The following TIAM2 variants were observed in gnomAD, a reference collection of about 807,000 sequenced individuals.
The protein encoded by TIAM2 is TIAM Rac1 associated GEF 2, also known as rho guanine nucleotide exchange factor TIAM2.
A neutral mutation model predicts 152.9 loss-of-function variants in TIAM2; 80 were observed. The ratio of observed to expected loss-of-function variants is 0.52; its 90% CI spans 0.44 to 0.63. TIAM2 has a LOEUF of 0.63. Among genes scored for constraint, TIAM2 ranks in the 30% least tolerant of loss-of-function variants. The pLI, the probability that TIAM2 is intolerant of heterozygous loss-of-function variation, is 0.00. For synonymous variants in TIAM2, 804 were observed against 838.0 expected, an observed-to-expected ratio of 0.96 and a Z score of 0.70; for missense variants, 1,965 against 2,120.1, an observed-to-expected ratio of 0.93 and a Z score of 1.44.
intron 1 of TIAM2, among the ~76,000 whole-genome samples, chr6:154,998,196 G>T (rs767179622): frequency 6.6e-6 from 1 of 152,170 alleles, no homozygotes; most frequent in Non-Finnish European, 1.5e-5. Flanking sequence ...TCAGGTTTAC[G>T]TGTCTAATCG....
intron 1 of TIAM2, among the ~76,000 whole-genome samples, chr6:155,010,101 C>T (rs1778462108): frequency 6.6e-6 from 1 of 151,876 alleles, no homozygotes; most frequent in African/African-American, 2.4e-5. Flanking sequence ...CTCCCGAAGT[C>T]CTAGCACTAC....
chr6:155,058,703 T>G (rs1341293859), intron 1 of TIAM2, among the ~76,000 whole-genome samples: 1 of 152,238 alleles, frequency 6.6e-6, no homozygotes, highest in African/African-American at 2.4e-5. Context: ...CACTAAGTCT[T>G]GGAGCTGGGA....
In TIAM2 at chr6:155,249,969, G is replaced by T. The variant is rs199966755; in HGVS notation, c.3951G>T (p.Glu1317Asp). ...LVAEQSGTEK[E>D]VTELSMGELL... ...CTGAGCAGAGCGGAACAGAGAAGGAGGTCCGTGAGACATCTGCACCCTGGG... is the reference window on the plus strand; with the variant it reads ...CTGAGCAGAGCGGAACAGAGAAGGATGTCCGTGAGACATCTGCACCCTGGG... Residue 1317 changes from glutamate (E) to aspartate (D), a missense_variant and splice_region_variant, in exon 21 of 27, where the codon GAG becomes GAT. Physicochemically the swap from Glu to Asp is conservative, Grantham distance 45. Around this residue, in one of 3 missense-constraint regions of TIAM2, gnomAD observed 935 missense variants for 980.0 expected, o/e 0.95. Coordinates refer to ENST00000682666, the MANE Select transcript of TIAM2 (RefSeq NM_012454.4). 7 of 1,611,078 alleles carry T rather than the reference G, an allele frequency of 4.3e-6. No individual in the cohort carries two copies. The East Asian group carries it at 1.6e-4, about 36-fold the overall frequency.
chr6:155,199,031 A>C (rs1157215444), intron 14 of TIAM2, among the ~76,000 whole-genome samples: 1 of 152,056 alleles, frequency 6.6e-6, no homozygotes, highest in East Asian at 1.9e-4. Flanking sequence ...TTGCCAGCTA[A>C]ACCAAAACCA....
At chr6:155,180,713 C>T (rs1332091001) in intron 12 of TIAM2, among the ~76,000 whole-genome samples, 1 of 151,964 alleles carries the variant, frequency 6.6e-6, no homozygotes, top group African/African-American at 2.4e-5. Context: ...AGCAATTCTC[C>T]CTGCCTCAGC....
chr6:155,078,837 T>C (rs547987811), intron 1 of TIAM2, among the ~76,000 whole-genome samples: 20 of 152,310 alleles, frequency 1.3e-4, no homozygotes, highest in Admixed American at 1.2e-3. Context: ...TTACAGAAGT[T>C]GATGTTTTCC....
chr6:155,051,928 C>G (rs1777329299), intron 1 of TIAM2, among the ~76,000 whole-genome samples: 2 of 152,188 alleles, frequency 1.3e-5, no homozygotes, highest in Non-Finnish European at 2.9e-5. Flanking sequence ...GCGTGAGCCA[C>G]TGCGCCTGGC....
rs1010085359 is a variant in TIAM2, at chr6:155,213,440, C to T, written c.3168+2133C>T. ...CAGAGAGGAGACCCTGGAGTAGCTC[C>T]TCTCCTCAGCTGGTTGTCTCATTGT... On this transcript the variant is annotated intron_variant, in intron 15 of 26. Transcript: ENST00000682666. The surrounding 1 kb of genome is among the most constrained non-coding windows in gnomAD (Gnocchi z 4.2). 1.3e-5 allele frequency among the ~76,000 whole-genome samples: 2 copies of T among 152,154 alleles called. No homozygotes were observed. The highest frequency in any genetic ancestry group is 2.9e-5 in the Non-Finnish European group (2 of 68,014).
chr6:155,010,862 T>A (rs1583148745), intron 1 of TIAM2, among the ~76,000 whole-genome samples: 1 of 152,082 alleles, frequency 6.6e-6, no homozygotes, highest in South Asian at 2.1e-4. Context: ...CTGGGCCTGA[T>A]GGTGAAACCT....
At chr6:155,177,096 T>C in intron 10 of TIAM2, 119 bp downstream of exon 10, 1 of 896,724 alleles carries the variant, frequency 1.1e-6, no homozygotes, top group Non-Finnish European at 1.6e-6. Context: ...AGGGAACATA[T>C]TAGCATATTT....
intron 15 of TIAM2, among the ~76,000 whole-genome samples, chr6:155,221,299 T>C (rs933315346): frequency 6.6e-6 from 1 of 152,124 alleles, no homozygotes; most frequent in African/African-American, 2.4e-5. Context: ...GAATGCTGGC[T>C]CTGAAATTAA....
intron 14 of TIAM2, among the ~76,000 whole-genome samples, chr6:155,210,549 G>A (rs1008884071): frequency 1.2e-4 from 18 of 151,934 alleles, no homozygotes; most frequent in Non-Finnish European, 1.9e-4. Flanking sequence ...GTTGCCCAGG[G>A]TGGTCTCGAA....
At chr6:155,192,448 G>T (rs1376496298) in intron 14 of TIAM2, among the ~76,000 whole-genome samples, 1 of 152,034 alleles carries the variant, frequency 6.6e-6, no homozygotes, top group Non-Finnish European at 1.5e-5. Flanking sequence ...CTTTCTGGAC[G>T]CTTTACTGTT....
Position 155,073,787 on chromosome 6 carries a change from T to C in TIAM2, c.-208-16502T>C, listed in dbSNP as rs146052567. Among the ~76,000 whole-genome samples, 8 of 152,290 alleles carry C rather than the reference T, an allele frequency of 5.3e-5. No homozygotes were observed. The East Asian group carries it at 1.5e-3, about 29-fold the overall frequency. ...AAACGTAACATTTTCCTACCTGCAG[T>C]AGATACCCTTAGAAGAGGAGTTTGG... On this transcript the variant is annotated intron_variant, in intron 1 of 26. Coordinates refer to ENST00000682666, the MANE Select transcript of TIAM2 (RefSeq NM_012454.4).
Position 155,165,895 on chromosome 6 carries a change from C to T in TIAM2, c.2361+486C>T, listed in dbSNP as rs7751446. Among the ~76,000 whole-genome samples, 307 of 152,038 alleles carry T rather than the reference C, an allele frequency of 2.0e-3. 2 individuals carry two copies. The highest frequency in any genetic ancestry group is 6.8e-3 in the African/African-American group (283 of 41,468). On this transcript the variant is annotated intron_variant, in intron 9 of 26. Coordinates refer to ENST00000682666, the MANE Select transcript of TIAM2 (RefSeq NM_012454.4). ...CAAGTTGCCGTATCTATCCCGGCAC[C>T]CCTGAAGAGGTAGTCACACTGCGTG...
At chr6:155,206,729 G>A (rs1781605560) in intron 14 of TIAM2, among the ~76,000 whole-genome samples, 1 of 152,226 alleles carries the variant, frequency 6.6e-6, no homozygotes, top group Non-Finnish European at 1.5e-5. Context: ...CTCAACTGCT[G>A]AGTAGAAGCT....
intron 1 of TIAM2, among the ~76,000 whole-genome samples, chr6:155,019,776 C>T (rs888835573): frequency 1.1e-4 from 17 of 152,182 alleles, no homozygotes; most frequent in African/African-American, 3.9e-4. Flanking sequence ...AGCTAGGGGC[C>T]GGGCATGGTG....
chr6:155,254,150 TTGA>T (rs996946159), intron 25 of TIAM2, 90 bp downstream of exon 25: 23 of 1,383,004 alleles, frequency 1.7e-5, no homozygotes, highest in African/African-American at 2.9e-5. Flanking sequence ...CTCCTGAATT[TTGA>T]TGATATCAGG....
rs768672745 is a variant in TIAM2, at chr6:155,254,415, C to A, written c.4314-4C>A. On this transcript the variant is annotated splice_polypyrimidine_tract_variant and splice_region_variant and intron_variant, in intron 25 of 26. Coordinates refer to ENST00000682666, the MANE Select transcript of TIAM2 (RefSeq NM_012454.4). ...TCTGCTGTTTTCTCTCCCCCCCCACCCAGTGACAGTGAAAGCAAAACCAAC... is the reference window on the plus strand; with the variant it reads ...TCTGCTGTTTTCTCTCCCCCCCCACACAGTGACAGTGAAAGCAAAACCAAC... 2 of 1,610,910 alleles carry A rather than the reference C, an allele frequency of 1.2e-6. No individual in the cohort carries two copies. Among genetic ancestry groups the A allele is most frequent in the Non-Finnish European group, 1.7e-6 (2 of 1,177,186 alleles).
Sources: gnomAD v4.1 joint callset for allele counts (sites outside exome capture counted in the v4.1 genomes callset) on GRCh38, gnomAD v4.1.1 for gene constraint, gnomAD v4.1.1 regional missense constraint, Gnocchi (gnomAD v3.1) non-coding constraint, MANE v1.5 for transcripts, NCBI Gene and HGNC (gene_info 2026-07-23, HGNC 2026-07-21) for gene names.